Variants in HECW2 observed in about 807,000 individuals in gnomAD.
The protein encoded by HECW2 is HECT, C2 and WW domain containing E3 ubiquitin protein ligase 2.
In HECW2, 61 loss-of-function variants were observed where a neutral mutation model predicts 175.2. The ratio of observed to expected loss-of-function variants is 0.35; its 90% CI spans 0.28 to 0.43. The LOEUF (loss-of-function observed/expected upper bound fraction) is 0.43, where lower values mean the gene tolerates loss of function less well. Ranked by LOEUF, HECW2 falls within the 20% of genes least tolerant of loss-of-function variation. HECW2 has a pLI of 1.00. For synonymous variants in HECW2, 671 were observed against 731.0 expected (o/e 0.92, Z 1.32); for missense variants, 1,524 against 2,000.5 (o/e 0.76, Z 4.54).
intron 5 of HECW2, among the ~76,000 whole-genome samples, chr2:196,326,971 C>A (rs1462730187): frequency 6.6e-6 from 1 of 152,170 alleles, no homozygotes; most frequent in African/African-American, 2.4e-5. Flanking sequence ...CAGCAGGGAA[C>A]AGCTTTGAGA....
At chr2:196,285,840 T>C (rs1559011393) in intron 14 of HECW2, among the ~76,000 whole-genome samples, 2 of 152,162 alleles carry the variant, frequency 1.3e-5, no homozygotes, top group Admixed American at 6.5e-5. Flanking sequence ...AAAAAGCTTA[T>C]AGAAAAGTAT....
At position 196,522,813 on chromosome 2, in the gene HECW2, G is replaced by A. The variant is rs540021790; in HGVS notation, c.-36+70695C>T. Among the ~76,000 whole-genome samples the A allele has an allele frequency of 5.7e-4, 86 of 151,870 alleles. 1 individual carries two copies. The highest frequency in any genetic ancestry group is 1.1e-3 in the Non-Finnish European group (72 of 67,982). On this transcript the variant is annotated intron_variant, in intron 1 of 28. Transcript: ENST00000644978. ...TAGATATGCGGCGTTATTTCTGAGG[G>A]CTCTGTTCTGTTCCATTGATCTATA...
At chr2:196,521,882 T>C (rs1195931708) in intron 1 of HECW2, among the ~76,000 whole-genome samples, 1 of 151,106 alleles carries the variant, frequency 6.6e-6, no homozygotes, top group Admixed American at 6.6e-5. Flanking sequence ...CAGTCTATCA[T>C]TGTTGGACAT....
At chr2:196,412,347 T>C (rs1695137183) in intron 2 of HECW2, among the ~76,000 whole-genome samples, 1 of 152,222 alleles carries the variant, frequency 6.6e-6, no homozygotes, top group Non-Finnish European at 1.5e-5. Context: ...TCATATTGAA[T>C]TAAGGCCCAC....
intron 3 of HECW2, 66 bp from the exon 4 acceptor site, chr2:196,334,584 G>T: frequency 7.9e-7 from 1 of 1,268,776 alleles, no homozygotes; most frequent in Non-Finnish European, 1.1e-6. Context: ...ATCAGCTGTG[G>T]AAATCCACCA....
At chr2:196,355,337 G>A (rs1378924295) in intron 2 of HECW2, among the ~76,000 whole-genome samples, 5 of 152,092 alleles carry the variant, frequency 3.3e-5, no homozygotes, top group Non-Finnish European at 7.4e-5. Context: ...ATGTAAACCC[G>A]AACCCTTTTA....
chr2:196,270,054 A>G (rs13420161), intron 17 of HECW2, among the ~76,000 whole-genome samples: 1,809 of 152,300 alleles, frequency 0.012, 31 homozygotes, highest in African/African-American at 0.041. Context: ...AACTTAGTGG[A>G]TCAGTATTTG....
At chr2:196,332,403 A>T (rs183681045) in intron 4 of HECW2, among the ~76,000 whole-genome samples, 1 of 152,214 alleles carries the variant, frequency 6.6e-6, no homozygotes, top group African/African-American at 2.4e-5. Context: ...ACATAGACCA[A>T]ACTGTCTCAA....
intron 1 of HECW2, among the ~76,000 whole-genome samples, chr2:196,565,780 A>T (rs1690166554): frequency 6.6e-6 from 1 of 152,222 alleles, no homozygotes; most frequent in Non-Finnish European, 1.5e-5. Flanking sequence ...TCTATAAAAT[A>T]ATAAAGAATA....
At chr2:196,346,009 A>G (rs1462106648) in intron 2 of HECW2, among the ~76,000 whole-genome samples, 1 of 152,202 alleles carries the variant, frequency 6.6e-6, no homozygotes, top group African/African-American at 2.4e-5. Context: ...AAGCTTTTTA[A>G]AAAAGTAGTT....
At chr2:196,386,539 T>C (rs554723148) in intron 2 of HECW2, among the ~76,000 whole-genome samples, 12 of 152,356 alleles carry the variant, frequency 7.9e-5, no homozygotes, top group African/African-American at 2.9e-4. Flanking sequence ...TTTTCACTGC[T>C]GCCACTGTTT....
chr2:196,294,639 G>A (rs1283091847), intron 13 of HECW2, among the ~76,000 whole-genome samples: 7 of 152,232 alleles, frequency 4.6e-5, no homozygotes, highest in African/African-American at 9.6e-5. Flanking sequence ...TACTGTGTTC[G>A]TTATTAGGGA....
At chr2:196,420,979 T>G (rs1265824769) in intron 2 of HECW2, among the ~76,000 whole-genome samples, 1 of 152,172 alleles carries the variant, frequency 6.6e-6, no homozygotes, top group Non-Finnish European at 1.5e-5. Context: ...CTTGTACAGT[T>G]TGAGGCACTG....
chr2:196,325,215 G>A (rs1692103439), intron 5 of HECW2, 66 bp from the exon 6 acceptor site: 1 of 1,185,724 alleles, frequency 8.4e-7, no homozygotes, highest in African/African-American at 1.5e-5. Flanking sequence ...GGAAAGAAAG[G>A]AGGAAGGGAG....
chr2:196,359,343 G>A (rs1693502171), intron 2 of HECW2, among the ~76,000 whole-genome samples: 1 of 152,160 alleles, frequency 6.6e-6, no homozygotes, highest in Non-Finnish European at 1.5e-5. Flanking sequence ...AGCTACTCAG[G>A]AGGCTGAGGC....
intron 1 of HECW2, among the ~76,000 whole-genome samples, chr2:196,509,904 G>A (rs1418144573): frequency 6.6e-6 from 1 of 152,190 alleles, no homozygotes. Context: ...TGAGCTAAAA[G>A]ACAATACAAT....
intron 21 of HECW2, among the ~76,000 whole-genome samples, chr2:196,229,375 C>T (rs893964825): frequency 6.6e-6 from 1 of 151,780 alleles, no homozygotes; most frequent in Non-Finnish European, 1.5e-5. Flanking sequence ...AAAACAGATC[C>T]TAGGCAGGGC....
At chr2:196,543,034 C>A (rs1029011171) in intron 1 of HECW2, among the ~76,000 whole-genome samples, 13 of 149,368 alleles carry the variant, frequency 8.7e-5, no homozygotes, top group Non-Finnish European at 1.8e-4. Context: ...CACACACACA[C>A]AAAGGAAAAA....
intron 1 of HECW2, among the ~76,000 whole-genome samples, chr2:196,521,606 A>G (rs1324284637): frequency 2.0e-5 from 3 of 146,564 alleles, no homozygotes; most frequent in African/African-American, 7.5e-5. Flanking sequence ...AGCATTAGGT[A>G]TATCTCCCAA....
Sources: allele counts gnomAD v4.1 joint callset (sites outside exome capture counted in the v4.1 genomes callset), GRCh38; gene constraint gnomAD v4.1.1; transcripts MANE v1.5; gene names NCBI Gene and HGNC (gene_info 2026-07-23, HGNC 2026-07-21).